Variants in TUBAL3 observed in about 807,000 individuals in gnomAD.
The protein encoded by TUBAL3 is tubulin alpha chain-like 3.
Under a neutral mutation model 15.5 loss-of-function variants are expected in TUBAL3, and 16 were observed. The observed-to-expected ratio is 1.04, with a 90% CI of 0.70 to 1.57. The LOEUF (loss-of-function observed/expected upper bound fraction) is 1.57. TUBAL3 is among the 40% of genes most tolerant of loss of function. The probability of loss-of-function intolerance (pLI) is 0.00; values close to 1 mark genes in which losing one functional copy is unlikely to be tolerated. For synonymous variants in TUBAL3, 238 were observed against 224.3 expected, an observed-to-expected ratio of 1.06 and a Z score of -0.55; for missense variants, 609 against 576.2, an observed-to-expected ratio of 1.06 and a Z score of -0.58.
chr10:5,395,409 T>G lies in TUBAL3; in HGVS notation c.314A>C (p.Asp105Ala). The stretch of plus-strand genomic sequence containing the variant: ...GCCTCGCGCGTAATTGTTAGCAGCA[T>G]CCTCCTTTCCGCTAAGGAGCTGCTC... ...HPEQLLSGKE[D>A]AANNYARGRY... The change falls in exon 3 of 4, where the codon GAT becomes GCT. Residue 105 changes from aspartate (D) to alanine (A), a missense_variant. Physicochemically the swap from Asp to Ala is moderately radical, Grantham distance 126. Coordinates refer to ENST00000380419, the MANE Select transcript of TUBAL3 (RefSeq NM_024803.3). The surrounding 1 kb of genome is among the most constrained non-coding windows in gnomAD (Gnocchi z 4.6). 1 of 1,606,368 alleles carries G rather than the reference T, an allele frequency of 6.2e-7. No homozygotes were observed. Among genetic ancestry groups the G allele is most frequent in the South Asian group, 1.1e-5 (1 of 90,118 alleles).
In TUBAL3 at chr10:5,393,712, G is replaced by A. The variant is rs1554813735; in HGVS notation, c.1146C>T (p.Ile382=). The A allele has an allele frequency of 3.1e-6, 5 of 1,614,124 alleles. No individual in the cohort carries two copies. ...TCGCCGTGGTGTTGCTCAGCATGCA[G>A]ATGGACCGGTGGACTTTGGCCAGGT... The part of the protein sequence containing the change: ...GGDLAKVHRS[I]CMLSNTTAIV... The change falls in exon 4 of 4, where the codon ATC becomes ATT. Residue 382 remains isoleucine, a synonymous_variant. Transcript: ENST00000380419.
At chr10:5,400,305 C>A (rs1489878201) in intron 2 of TUBAL3, among the ~76,000 whole-genome samples, 2 of 152,016 alleles carry the variant, frequency 1.3e-5, no homozygotes, top group African/African-American at 4.8e-5. Context: ...GATCAATTAG[C>A]AGGTCTTAAT....
chr10:5,401,456 G>C lies in TUBAL3; in HGVS notation c.4-369C>G, dbSNP rs11253160. On this transcript the variant is annotated intron_variant, in intron 1 of 3. Transcript: ENST00000380419. ...TGTGTGTGTGTGTGTGTGTGTGTGC[G>C]TGTAGTTATATATATCAAGTGGGCT... 3.3e-5 allele frequency among the ~76,000 whole-genome samples: 5 copies of C among 151,576 alleles called. No homozygotes were observed. The East Asian group carries it at 7.8e-4, about 24-fold the overall frequency.
In TUBAL3 at chr10:5,395,575, G is replaced by T. The variant is rs1831752359; in HGVS notation, c.248-100C>A. On this transcript the variant is annotated intron_variant, in intron 2 of 3. Coordinates refer to ENST00000380419, the MANE Select transcript of TUBAL3 (RefSeq NM_024803.3). This position sits in a 1 kb window ranked among gnomAD's most constrained non-coding sequence, Gnocchi z 4.6. Reference sequence around the variant, plus strand: ...GAGCCTCCCCGTACTTGACTCCCATGCTTTCTCTCAATATTGTGGTCCAGG... The same window carrying T: ...GAGCCTCCCCGTACTTGACTCCCATTCTTTCTCTCAATATTGTGGTCCAGG... The T allele has an allele frequency of 3.2e-6, 4 of 1,242,000 alleles. No homozygotes were observed. Among genetic ancestry groups the T allele is most frequent in the Non-Finnish European group, 3.2e-6 (3 of 944,410 alleles). 76.9% of individuals were successfully genotyped at this position (1,242,000 alleles called of 1,614,324 possible). A position where few individuals can be genotyped will look rare whatever the true frequency, so the allele number is the denominator to read the frequency against.
rs1233716315 is a variant in TUBAL3, at chr10:5,397,840, C to T, written c.248-2365G>A. Among the ~76,000 whole-genome samples the T allele has an allele frequency of 6.6e-6, 1 of 152,236 alleles. No homozygotes were observed. Among genetic ancestry groups the T allele is most frequent in the Non-Finnish European group, 1.5e-5 (1 of 68,044 alleles). On this transcript the variant is annotated intron_variant, in intron 2 of 3. Coordinates refer to ENST00000380419, the MANE Select transcript of TUBAL3 (RefSeq NM_024803.3). This position sits in a 1 kb window ranked among gnomAD's most constrained non-coding sequence, Gnocchi z 4.9. ...CCACAACTTCCTCACTTTGCCCTAA[C>T]TTCACCCTTGAGCCTGCCCCAGACC...
chr10:5,394,283 T>C lies in TUBAL3; in HGVS notation c.575A>G (p.Tyr192Cys). The C allele has an allele frequency of 1.9e-6, 3 of 1,614,154 alleles. No homozygotes were observed. Among genetic ancestry groups the C allele is most frequent in the Non-Finnish European group, 2.5e-6 (3 of 1,180,030 alleles). Residue 192 changes from tyrosine to cysteine, a missense_variant, in exon 4 of 4, where the codon TAT (tyrosine) becomes TGT (cysteine). Tyr to Cys is a radical substitution (Grantham distance 194). Transcript: ENST00000380419. This position sits in a 1 kb window ranked among gnomAD's most constrained non-coding sequence, Gnocchi z 4.3. ...PRISTAVVEP[Y>C]NSVLTTHSTT... ...GGAGTGGGTGGTGAGGACAGAGTTA[T>C]AAGGCTCTACCACAGCAGTGGAGAT...
At position 5,400,862 on chromosome 10, in the gene TUBAL3, A is replaced by C; in HGVS notation, c.229T>G (p.Leu77Val). 1 of 1,614,224 alleles carries C rather than the reference A, an allele frequency of 6.2e-7. No individual in the cohort carries two copies. The part of the protein sequence containing the change: ...KHVPRALFVD[L>V]EPTVIDGIRT... ...ATTGTACCTATAACAGTTGGCTCCA[A>C]GTCCACGAAGAGTGCTCTAGGCACA... Residue 77 changes from leucine (L) to valine (V), a missense_variant, in exon 2 of 4, where the codon TTG becomes GTG. By Grantham distance (32) the Leu-to-Val change is conservative. Coordinates refer to ENST00000380419, the MANE Select transcript of TUBAL3 (RefSeq NM_024803.3).
Position 5,394,238 on chromosome 10 carries a change from C to T in TUBAL3, c.620G>A (p.Cys207Tyr), listed in dbSNP as rs189581093. The T allele has an allele frequency of 7.1e-5, 115 of 1,614,178 alleles. 1 individual carries two copies. In the Admixed American group the frequency reaches 1.9e-3, roughly 26 times the overall value. ...TTHSTTEHTD[C>Y]TFMVDNEAVY... ...GGCCTCGTTGTCCACCATGAAGGTA[C>T]AGTCCGTGTGCTCTGTGGTGGAGTG... The change falls in exon 4 of 4, where the codon TGT (cysteine) becomes TAT (tyrosine). Residue 207 changes from cysteine (C) to tyrosine (Y), a missense_variant. By Grantham distance (194) the Cys-to-Tyr change is radical. Coordinates refer to ENST00000380419, the MANE Select transcript of TUBAL3 (RefSeq NM_024803.3). The surrounding 1 kb of genome is among the most constrained non-coding windows in gnomAD (Gnocchi z 4.3).
Position 5,400,853 on chromosome 10 carries a change from T to C in TUBAL3, c.238A>G (p.Thr80Ala). Residue 80 changes from threonine (T) to alanine (A), a missense_variant, in exon 2 of 4, where the codon ACT becomes GCT. Coordinates refer to ENST00000380419, the MANE Select transcript of TUBAL3 (RefSeq NM_024803.3). ...GGAACATTTATTGTACCTATAACAG[T>C]TGGCTCCAAGTCCACGAAGAGTGCT... ...PRALFVDLEP[T>A]VIDGIRTGQH... 2 of 1,614,224 alleles carry C rather than the reference T, an allele frequency of 1.2e-6. No homozygotes were observed. The highest frequency in any genetic ancestry group is 1.7e-6 in the Non-Finnish European group (2 of 1,180,030).
rs781807234 is a variant in TUBAL3 at position 5,394,332 on chromosome 10, A to C, written c.526T>G (p.Phe176Val). The C allele has an allele frequency of 4.3e-6, 7 of 1,614,014 alleles. No homozygotes were observed. Among genetic ancestry groups the C allele is most frequent in the Non-Finnish European group, 5.9e-6 (7 of 1,179,998 alleles). The change falls in exon 4 of 4, where the codon TTC becomes GTC. Residue 176 changes from phenylalanine (F) to valine (V), a missense_variant. Phe to Val is a conservative substitution (Grantham distance 50). Coordinates refer to ENST00000380419, the MANE Select transcript of TUBAL3 (RefSeq NM_024803.3). The surrounding 1 kb of genome is among the most constrained non-coding windows in gnomAD (Gnocchi z 4.3). ...GEYSRKTKLE[F>V]SVYPAPRIST... ...ATCCTGGGGGCTGGGTAGACCGAGA[A>C]CTCCAGCTTAGTCTTTCTGCTATAT...
At position 5,394,025 on chromosome 10, in the gene TUBAL3, G is replaced by T; in HGVS notation, c.833C>A (p.Ala278Asp). The T allele has an allele frequency of 1.9e-6, 3 of 1,614,156 alleles. No individual in the cohort carries two copies. The highest frequency in any genetic ancestry group is 2.5e-6 in the Non-Finnish European group (3 of 1,180,030). ...PYPRIHFPMT[A>D]FAPIVSADKA... is the part of the protein sequence containing the mutation. ...GTCAGCAGAGACGATGGGGGCGAAG[G>T]CTGTCATGGGGAAATGTATTCTCGG... Residue 278 changes from alanine (A) to aspartate (D), a missense_variant, in exon 4 of 4, where the codon GCC becomes GAC. Transcript: ENST00000380419. This position sits in a 1 kb window ranked among gnomAD's most constrained non-coding sequence, Gnocchi z 4.3.
intron 1 of TUBAL3, among the ~76,000 whole-genome samples, chr10:5,403,645 A>G (rs943776732): frequency 6.6e-6 from 1 of 152,218 alleles, no homozygotes; most frequent in African/African-American, 2.4e-5. Flanking sequence ...GCCTGGACTA[A>G]CAAGCATCCT....
chr10:5,393,703 C>T lies in TUBAL3; in HGVS notation c.1155G>A (p.Leu385=). The change falls in exon 4 of 4, where the codon CTG becomes CTA. Residue 385 remains leucine (L), a synonymous_variant. Transcript: ENST00000380419. The part of the protein sequence containing the change: ...LAKVHRSICM[L]SNTTAIVEAW... ...CCTCCACAATCGCCGTGGTGTTGCT[C>T]AGCATGCAGATGGACCGGTGGACTT... is the stretch of plus-strand genomic sequence containing the variant. 12 of 1,614,218 alleles carry T rather than the reference C, an allele frequency of 7.4e-6. No homozygotes were observed. The highest frequency in any genetic ancestry group is 1.0e-5 in the Non-Finnish European group (12 of 1,180,042).
rs376619728 is a variant in TUBAL3, at chr10:5,395,509, C to T, written c.248-34G>A. The T allele has an allele frequency of 7.1e-7, 1 of 1,415,370 alleles. No individual in the cohort carries two copies. The highest frequency in any genetic ancestry group is 9.4e-7 in the Non-Finnish European group (1 of 1,069,058). 87.7% of individuals were successfully genotyped at this position (1,415,370 alleles called of 1,614,324 possible). On this transcript the variant is annotated intron_variant, in intron 2 of 3. Coordinates refer to ENST00000380419, the MANE Select transcript of TUBAL3 (RefSeq NM_024803.3). This position sits in a 1 kb window ranked among gnomAD's most constrained non-coding sequence, Gnocchi z 4.6. ...GGTGAAAGGAGGTCAGTGCAACTCACCCAGTGCAATTCAGCCGTCCACCTG... is the reference window on the plus strand; with the variant it reads ...GGTGAAAGGAGGTCAGTGCAACTCATCCAGTGCAATTCAGCCGTCCACCTG...
Position 5,396,258 on chromosome 10 carries a change from A to G in TUBAL3, c.248-783T>C, listed in dbSNP as rs1554814157. Reference sequence around the variant, plus strand: ...CACAGTGGCTCACACCTGTAATCCCAGCACTTTGGGAGGCTGAGGCAGGTG... The same window carrying G: ...CACAGTGGCTCACACCTGTAATCCCGGCACTTTGGGAGGCTGAGGCAGGTG... On this transcript the variant is annotated intron_variant, in intron 2 of 3. Transcript: ENST00000380419. This position sits in a 1 kb window ranked among gnomAD's most constrained non-coding sequence, Gnocchi z 5.1. 1.3e-5 allele frequency among the ~76,000 whole-genome samples: 2 copies of G among 152,036 alleles called. No homozygotes were observed. The highest frequency in any genetic ancestry group is 4.8e-5 in the African/African-American group (2 of 41,332).
chr10:5,396,100 T>C lies in TUBAL3; in HGVS notation c.248-625A>G, dbSNP rs1484555861. Among the ~76,000 whole-genome samples the C allele has an allele frequency of 6.6e-6, 1 of 152,200 alleles. No individual in the cohort carries two copies. The highest frequency in any genetic ancestry group is 1.5e-5 in the Non-Finnish European group (1 of 68,044). On this transcript the variant is annotated intron_variant, in intron 2 of 3. Transcript: ENST00000380419. The surrounding 1 kb of genome is among the most constrained non-coding windows in gnomAD (Gnocchi z 5.1). ...TAAAGTCACATTCTGGGATTGCAGA[T>C]GGGTATGAATTTGGGGGGACACACT... is the stretch of plus-strand genomic sequence containing the variant.
intron 1 of TUBAL3, among the ~76,000 whole-genome samples, chr10:5,401,509 T>A (rs1352236277): frequency 6.6e-6 from 1 of 152,064 alleles, no homozygotes; most frequent in African/African-American, 2.4e-5. Context: ...AGCTAGTTAT[T>A]GGAAAGAAAT....
rs797028182 is a variant in TUBAL3 at position 5,396,172 on chromosome 10, A to G, written c.248-697T>C. ...GACACATTGGCATTTTGAGACAAGT[A>G]TTTTTATCTACAAATTGCGAACTGT... On this transcript the variant is annotated intron_variant, in intron 2 of 3. Coordinates refer to ENST00000380419, the MANE Select transcript of TUBAL3 (RefSeq NM_024803.3). The surrounding 1 kb of genome is among the most constrained non-coding windows in gnomAD (Gnocchi z 5.1). Among the ~76,000 whole-genome samples, 3 of 152,288 alleles carry G rather than the reference A, an allele frequency of 2.0e-5. No homozygotes were observed. Among genetic ancestry groups the G allele is most frequent in the African/African-American group, 7.2e-5 (3 of 41,556 alleles).
At chr10:5,399,167 A>G (rs1554814419) in intron 2 of TUBAL3, among the ~76,000 whole-genome samples, 1 of 152,204 alleles carries the variant, frequency 6.6e-6, no homozygotes, top group African/African-American at 2.4e-5. Context: ...TGAGGATGAT[A>G]ATAATGTCTC....
Sources: allele counts gnomAD v4.1 joint callset (sites outside exome capture counted in the v4.1 genomes callset), GRCh38; gene constraint gnomAD v4.1.1; non-coding constraint Gnocchi (gnomAD v3.1); transcripts MANE v1.5; gene names NCBI Gene and HGNC (gene_info 2026-07-23, HGNC 2026-07-21).